The following ZBTB8OS variants were observed in gnomAD, a reference collection of about 807,000 sequenced individuals.
ZBTB8OS encodes tRNA splicing ligase complex subunit 1.
In ZBTB8OS, 16 loss-of-function variants were observed where a neutral mutation model predicts 29.3. That is an observed-to-expected ratio of 0.55 (90% CI 0.37 to 0.83). ZBTB8OS has a LOEUF of 0.83. ZBTB8OS is among the 40% of genes least tolerant of loss of function. The probability of loss-of-function intolerance (pLI) is 0.00; values close to 1 mark genes in which losing one functional copy is unlikely to be tolerated. For synonymous variants in ZBTB8OS, 70 were observed against 64.6 expected (o/e 1.08, Z -0.40); for missense variants, 160 against 196.9 (o/e 0.81, Z 1.12).
Position 32,636,040 on chromosome 1 carries a change from T to C in ZBTB8OS, c.98-1248A>G, listed in dbSNP as rs1051199950. Among the ~76,000 whole-genome samples the C allele has an allele frequency of 3.3e-5, 5 of 152,164 alleles. No homozygotes were observed. In the South Asian group the frequency reaches 6.2e-4, roughly 19 times the overall value. The stretch of plus-strand genomic sequence containing the variant: ...AAACCTAAGATCAGTACTTGAGATA[T>C]TTTGCAGACCCTGCACTCAGCTGAC... On this transcript the variant is annotated intron_variant, in intron 1 of 6. Coordinates refer to ENST00000468695, the MANE Select transcript of ZBTB8OS (RefSeq NM_178547.5).
At chr1:32,636,532 C>T (rs1366069015) in intron 1 of ZBTB8OS, among the ~76,000 whole-genome samples, 1 of 151,796 alleles carries the variant, frequency 6.6e-6, no homozygotes, top group Admixed American at 6.6e-5. Flanking sequence ...CTACTAAAAA[C>T]ACAAAAACTT....
chr1:32,650,143 A>C (rs1263075419), intron 1 of ZBTB8OS, among the ~76,000 whole-genome samples: 1 of 152,166 alleles, frequency 6.6e-6, no homozygotes, highest in Non-Finnish European at 1.5e-5. Context: ...CAAACGCCTG[A>C]AAATATGGTT....
At chr1:32,636,358 C>G (rs1031172153) in intron 1 of ZBTB8OS, among the ~76,000 whole-genome samples, 2 of 152,198 alleles carry the variant, frequency 1.3e-5, no homozygotes, top group African/African-American at 4.8e-5. Context: ...TTTGTCTGGG[C>G]AGCAGGCAAA....
intron 1 of ZBTB8OS, 137 bp downstream of exon 1, chr1:32,650,295 AC>A: frequency 8.2e-7 from 1 of 1,212,252 alleles, no homozygotes; most frequent in Non-Finnish European, 1.1e-6. Flanking sequence ...TACGAACGCG[AC>A]TACAACAGCC....
chr1:32,625,248 TA>T (rs955677203), intron 6 of ZBTB8OS, among the ~76,000 whole-genome samples: 4 of 137,682 alleles, frequency 2.9e-5, no homozygotes, highest in African/African-American at 8.4e-5. Context: ...ATAATAATAA[TA>T]AAAAAAACTG....
chr1:32,622,538 CAA>C (rs1477221676), intron 6 of ZBTB8OS, among the ~76,000 whole-genome samples: 1 of 151,984 alleles, frequency 6.6e-6, no homozygotes, highest in Admixed American at 6.6e-5. Context: ...CACATGAACA[CAA>C]AGAGGGAAAC....
chr1:32,629,551 C>T (rs751404473), intron 5 of ZBTB8OS, among the ~76,000 whole-genome samples: 4 of 152,142 alleles, frequency 2.6e-5, no homozygotes, highest in Non-Finnish European at 5.9e-5. Context: ...ACTTGGTTTA[C>T]ACTTTACAAC....
chr1:32,631,521 C>G (rs1214282137), intron 5 of ZBTB8OS, among the ~76,000 whole-genome samples: 1 of 152,046 alleles, frequency 6.6e-6, no homozygotes, highest in Non-Finnish European at 1.5e-5. Flanking sequence ...TTAAATAGGT[C>G]TAGAAGTGAG....
chr1:32,634,510 GCCACCACA>G, intron 2 of ZBTB8OS: 1 of 536,858 alleles, frequency 1.9e-6, no homozygotes, highest in Non-Finnish European at 3.3e-6. Context: ...CAGGCGTTGA[GCCACCACA>G]CCCGGCCTTA....
chr1:32,631,746 G>T, intron 5 of ZBTB8OS, 81 bp downstream of exon 5: 1 of 1,095,838 alleles, frequency 9.1e-7, no homozygotes, highest in Non-Finnish European at 1.3e-6. Flanking sequence ...TCTGATTTAT[G>T]TTTCCATCTG....
At chr1:32,643,168 T>C (rs1646563534) in intron 1 of ZBTB8OS, among the ~76,000 whole-genome samples, 1 of 150,266 alleles carries the variant, frequency 6.7e-6, no homozygotes, top group Non-Finnish European at 1.5e-5. Context: ...CCTCCCAGGT[T>C]CAAGCGATTC....
Position 32,621,849 on chromosome 1 carries a change from A to AT in ZBTB8OS, c.*12dup. On this transcript the variant is annotated 3_prime_UTR_variant, in exon 7 of 7. Coordinates refer to ENST00000468695, the MANE Select transcript of ZBTB8OS (RefSeq NM_178547.5). Reference sequence around the variant, plus strand: ...AAACAGTTCTTCGTAGGAGTCTTTTATTTTTTGGTGTCTTAAATGTCAATG... The same window carrying AT: ...AAACAGTTCTTCGTAGGAGTCTTTTATTTTTTTGGTGTCTTAAATGTCAATG... 2.6e-6 allele frequency: 4 copies of AT among 1,561,208 alleles called. No individual in the cohort carries two copies. The highest frequency in any genetic ancestry group is 1.7e-6 in the Non-Finnish European group (2 of 1,156,258).
At chr1:32,634,724 C>T (rs910666867) in intron 2 of ZBTB8OS, 44 bp downstream of exon 2, 1 of 1,612,908 alleles carries the variant, frequency 6.2e-7, no homozygotes, top group African/African-American at 1.3e-5. Flanking sequence ...ATTCAGTCTT[C>T]CTACTGACGT....
Position 32,621,868 on chromosome 1 carries a change from G to A in ZBTB8OS, c.498C>T (p.Asp166=). 1 of 1,578,934 alleles carries A rather than the reference G, an allele frequency of 6.3e-7. No homozygotes were observed. Among genetic ancestry groups the A allele is most frequent in the Non-Finnish European group, 8.6e-7 (1 of 1,168,798 alleles). Residue 166 remains aspartate, a synonymous_variant, in exon 7 of 7, where the codon GAC becomes GAT. Coordinates refer to ENST00000468695, the MANE Select transcript of ZBTB8OS (RefSeq NM_178547.5). ...EENPEVFVII[D]I is the part of the protein sequence containing the mutation. The stretch of plus-strand genomic sequence containing the variant: ...TCTTTTATTTTTTGGTGTCTTAAAT[G>A]TCAATGATCACAAAAACTTCCGGGT...
intron 1 of ZBTB8OS, 98 bp from the exon 2 acceptor site, chr1:32,634,890 C>G: frequency 3.4e-6 from 3 of 874,116 alleles, no homozygotes; most frequent in Non-Finnish European, 5.9e-6. Context: ...GGAATATCAT[C>G]TTTAAAGAGC....
chr1:32,649,695 T>C (rs1315906852), intron 1 of ZBTB8OS, among the ~76,000 whole-genome samples: 1 of 149,660 alleles, frequency 6.7e-6, no homozygotes, highest in Non-Finnish European at 1.5e-5. Flanking sequence ...AGACAGAGTT[T>C]CGCTCGTTGC....
intron 5 of ZBTB8OS, among the ~76,000 whole-genome samples, chr1:32,629,079 G>A (rs559818167): frequency 9.2e-5 from 14 of 152,216 alleles, no homozygotes; most frequent in African/African-American, 3.4e-4. Flanking sequence ...AAACAGAGTA[G>A]TAACATATTC....
At chr1:32,631,944 TTTG>T (rs1645590559) in intron 4 of ZBTB8OS, 65 bp from the exon 5 acceptor site, 2 of 893,776 alleles carry the variant, frequency 2.2e-6, no homozygotes, top group East Asian at 6.1e-5. Flanking sequence ...TAAAAATCTT[TTTG>T]TTCTGTTTTG....
chr1:32,645,007 C>T (rs1219492351), intron 1 of ZBTB8OS, among the ~76,000 whole-genome samples: 4 of 151,440 alleles, frequency 2.6e-5, no homozygotes, highest in South Asian at 2.1e-4. Flanking sequence ...GGTGAAACCC[C>T]GTCTCTACTA....
Sources: allele counts gnomAD v4.1 joint callset (sites outside exome capture counted in the v4.1 genomes callset), GRCh38; gene constraint gnomAD v4.1.1; transcripts MANE v1.5; gene names NCBI Gene and HGNC (gene_info 2026-07-23, HGNC 2026-07-21).